Variants in CCNT1 observed in about 807,000 individuals in gnomAD.
The protein encoded by CCNT1 is cyclin-T1.
Under a neutral mutation model 67.3 loss-of-function variants are expected in CCNT1, and 18 were observed. That is an observed-to-expected ratio of 0.27 (90% CI 0.18 to 0.40). The LOEUF is 0.40. Among genes scored for constraint, CCNT1 ranks in the 10% least tolerant of loss-of-function variants. The pLI is 1.00. For synonymous variants in CCNT1, 333 were observed against 310.3 expected (o/e 1.07, Z -0.77); for missense variants, 744 against 884.9 (o/e 0.84, Z 2.02).
At chr12:48,695,093 G>A (rs1940147865) in intron 8 of CCNT1, among the ~76,000 whole-genome samples, 1 of 152,120 alleles carries the variant, frequency 6.6e-6, no homozygotes, top group African/African-American at 2.4e-5. Context: ...CAAAGTGCTG[G>A]GACTACAGGC....
intron 5 of CCNT1, among the ~76,000 whole-genome samples, chr12:48,698,410 G>A (rs1940213902): frequency 6.6e-6 from 1 of 152,102 alleles, no homozygotes; most frequent in Admixed American, 6.6e-5. Context: ...CCAGATCTAG[G>A]TACTCAAGCT....
rs760672546 is a variant in CCNT1, at chr12:48,693,220, T to G, written c.1994A>C (p.His665Pro). ...IDYQDTVNML[H>P]SLLSAQGVQP... ...AACACCCTGGGCACTGAGCAGGGAG[T>G]GAAGCATATTCACAGTGTCTTGATA... is the stretch of plus-strand genomic sequence containing the variant. The change falls in exon 9 of 9, where the codon CAC becomes CCC. Residue 665 changes from histidine (H) to proline (P), a missense_variant. Transcript: ENST00000261900. 2 of 1,613,772 alleles carry G rather than the reference T, an allele frequency of 1.2e-6. No homozygotes were observed. The highest frequency in any genetic ancestry group is 1.3e-5 in the African/African-American group (1 of 74,812).
intron 1 of CCNT1, among the ~76,000 whole-genome samples, chr12:48,716,285 G>C (rs1325830545): frequency 6.6e-6 from 1 of 152,256 alleles, no homozygotes; most frequent in Non-Finnish European, 1.5e-5. Flanking sequence ...GGAAGGATAC[G>C]AATTCCCAGC....
chr12:48,713,444 G>GT (rs2137246035), intron 2 of CCNT1, among the ~76,000 whole-genome samples: 1 of 152,262 alleles, frequency 6.6e-6, no homozygotes, highest in South Asian at 2.1e-4. Context: ...GAAAATCTAA[G>GT]TAACTTACAT....
chr12:48,713,172 T>C (rs941824916), intron 2 of CCNT1, among the ~76,000 whole-genome samples: 1 of 151,060 alleles, frequency 6.6e-6, no homozygotes, highest in Non-Finnish European at 1.5e-5. Flanking sequence ...AATTTTATTC[T>C]TCCTGTTCTT....
In CCNT1 at chr12:48,706,821, T is replaced by C. The variant is rs58093262; in HGVS notation, c.244-925A>G. On this transcript the variant is annotated intron_variant, in intron 2 of 8. Transcript: ENST00000261900. Reference sequence around the variant, plus strand: ...TTTGTAACCCTGATGTCACCTATGCTATACTTTTCTAGAGTAAGTTTTTCT... The same window carrying C: ...TTTGTAACCCTGATGTCACCTATGCCATACTTTTCTAGAGTAAGTTTTTCT... Among the ~76,000 whole-genome samples the C allele has an allele frequency of 7.7e-3, 1,179 of 152,326 alleles. 8 individuals carry two copies. The highest frequency in any genetic ancestry group is 0.027 in the African/African-American group (1,136 of 41,564).
At chr12:48,710,334 C>A (rs1940430333) in intron 2 of CCNT1, among the ~76,000 whole-genome samples, 1 of 152,188 alleles carries the variant, frequency 6.6e-6, no homozygotes, top group Non-Finnish European at 1.5e-5. Flanking sequence ...AATTTGGATT[C>A]ATCACAGCTA....
At chr12:48,707,069 A>C (rs761248959) in intron 2 of CCNT1, among the ~76,000 whole-genome samples, 31 of 152,336 alleles carry the variant, frequency 2.0e-4, no homozygotes, top group Non-Finnish European at 4.3e-4. Flanking sequence ...AACTGTTTTA[A>C]GTAAACACAG....
chr12:48,699,698 T>C (rs1940233342), intron 5 of CCNT1, 80 bp downstream of exon 5: 1 of 939,494 alleles, frequency 1.1e-6, no homozygotes, highest in East Asian at 2.4e-5. Context: ...AGCAGAACTA[T>C]TATGTATTGT....
chr12:48,701,217 C>CT lies in CCNT1; in HGVS notation c.373-145dup, dbSNP rs539754445. ...GTAGAGTTAAGAACTGAAATACAAT[C>CT]TTTTTTTTTTTTTTTTTTTTTTTTT... On this transcript the variant is annotated intron_variant, in intron 3 of 8. Coordinates refer to ENST00000261900, the MANE Select transcript of CCNT1 (RefSeq NM_001240.4). 777 of 92,966 alleles carry CT rather than the reference C, an allele frequency of 8.4e-3. 34 individuals carry two copies. The highest frequency in any genetic ancestry group is 0.021 in the African/African-American group (471 of 22,320). The allele number at this position is 92,966 out of a possible 1,614,324, so 5.8% of individuals were successfully genotyped here.
chr12:48,700,173 G>T (rs1207316375), intron 4 of CCNT1, among the ~76,000 whole-genome samples: 2 of 151,840 alleles, frequency 1.3e-5, no homozygotes, highest in African/African-American at 4.8e-5. Context: ...CAAAAATTTA[G>T]CTGGGCGTGG....
At chr12:48,714,353 A>T in intron 2 of CCNT1, 90 bp downstream of exon 2, 1 of 761,584 alleles carries the variant, frequency 1.3e-6, no homozygotes. Flanking sequence ...AGTTCAAGTT[A>T]CAGTTCAGTA....
intron 4 of CCNT1, among the ~76,000 whole-genome samples, chr12:48,700,698 C>T (rs1198917508): frequency 1.3e-5 from 2 of 152,068 alleles, no homozygotes; most frequent in Admixed American, 6.6e-5. Flanking sequence ...TAACAATCCA[C>T]GGAAGGAAAA....
chr12:48,696,168 A>G lies in CCNT1; in HGVS notation c.543-6T>C. 1 of 1,600,936 alleles carries G rather than the reference A, an allele frequency of 6.2e-7. No individual in the cohort carries two copies. Among genetic ancestry groups the G allele is most frequent in the Non-Finnish European group, 8.5e-7 (1 of 1,172,380 alleles). On this transcript the variant is annotated splice_region_variant and splice_polypyrimidine_tract_variant and intron_variant, in intron 6 of 8. Coordinates refer to ENST00000261900, the MANE Select transcript of CCNT1 (RefSeq NM_001240.4). ...TAAATGTGGTCAAATGCAGGCTGAC[A>G]TCAGAGGGAAGAAAACAGAGAGTGT...
intron 5 of CCNT1, among the ~76,000 whole-genome samples, chr12:48,698,794 C>A (rs556082189): frequency 6.6e-6 from 1 of 152,022 alleles, no homozygotes; most frequent in East Asian, 1.9e-4. Flanking sequence ...CCCGTCTCTA[C>A]TAAAAATAAA....
At chr12:48,711,336 C>T (rs1250230715) in intron 2 of CCNT1, among the ~76,000 whole-genome samples, 7 of 147,416 alleles carry the variant, frequency 4.7e-5, no homozygotes, top group Non-Finnish European at 7.5e-5. Flanking sequence ...GCTCAGATGG[C>T]GCCATTGCAC....
intron 2 of CCNT1, among the ~76,000 whole-genome samples, chr12:48,707,004 G>A (rs770235393): frequency 1.4e-4 from 21 of 152,080 alleles, no homozygotes; most frequent in Non-Finnish European, 2.5e-4. Context: ...AGGAGTCCGA[G>A]ACCAGCCTGG....
In CCNT1 at chr12:48,692,219, A is replaced by AT. The variant is rs1317891114; in HGVS notation, c.*813dup. ...TAGAGGGCTACTACTCAATTATAAC[A>AT]TAAAGAAAGGGAAAAATACCATGTC... On this transcript the variant is annotated 3_prime_UTR_variant, in exon 9 of 9. Transcript: ENST00000261900. The AT allele has an allele frequency of 6.6e-6, 1 of 152,224 alleles. No individual in the cohort carries two copies. The highest frequency in any genetic ancestry group is 2.4e-5 in the African/African-American group (1 of 41,456). The allele number at this position is 152,224 out of a possible 1,614,324, so 9.4% of individuals were successfully genotyped here.
Position 48,693,582 on chromosome 12 carries a change from A to G in CCNT1, c.1632T>C (p.Asp544=), listed in dbSNP as rs772132729. The change falls in exon 9 of 9, where the codon GAT becomes GAC. Residue 544 remains aspartate, a synonymous_variant. Coordinates refer to ENST00000261900, the MANE Select transcript of CCNT1 (RefSeq NM_001240.4). ...PVGTGNKRPG[D]PKHSSQTSNL... Reference sequence around the variant, plus strand: ...TGCTTGTCTGGCTACTATGTTTTGGATCACCAGGACGTTTGTTCCCAGTAC... The same window carrying G: ...TGCTTGTCTGGCTACTATGTTTTGGGTCACCAGGACGTTTGTTCCCAGTAC... The G allele has an allele frequency of 6.2e-7, 1 of 1,613,992 alleles. No homozygotes were observed. Among genetic ancestry groups the G allele is most frequent in the South Asian group, 1.1e-5 (1 of 91,082 alleles).
Sources: gnomAD v4.1 joint callset for allele counts (sites outside exome capture counted in the v4.1 genomes callset) on GRCh38, gnomAD v4.1.1 for gene constraint, MANE v1.5 for transcripts, NCBI Gene and HGNC (gene_info 2026-07-23, HGNC 2026-07-21) for gene names.